The following TXNL4A variants were observed in gnomAD, a reference collection of about 807,000 sequenced individuals.
TXNL4A encodes the protein thioredoxin-like protein 4A.
In TXNL4A, 17 loss-of-function variants were observed where a neutral mutation model predicts 14.6. The ratio of observed to expected loss-of-function variants is 1.16; its 90% CI spans 0.80 to 1.74. TXNL4A has a LOEUF of 1.74. Among genes scored for constraint, TXNL4A ranks in the 40% most tolerant of loss-of-function variants. The pLI is 0.00. For synonymous variants in TXNL4A, 83 were observed against 70.6 expected, an observed-to-expected ratio of 1.18 and a Z score of -0.88; for missense variants, 74 against 195.2, an observed-to-expected ratio of 0.38 and a Z score of 3.70.
At chr18:80,025,167 C>G (rs185101448) in intron 1 of TXNL4A, among the ~76,000 whole-genome samples, 217 of 152,262 alleles carry the variant, frequency 1.4e-3, no homozygotes, top group African/African-American at 5.1e-3. Flanking sequence ...AAATAAGCAA[C>G]CAGAATGGGA....
At chr18:80,003,545 G>C (rs930694128) in intron 1 of TXNL4A, among the ~76,000 whole-genome samples, 5 of 151,938 alleles carry the variant, frequency 3.3e-5, no homozygotes, top group South Asian at 2.1e-4. Context: ...TAATTTTTTT[G>C]TTGTTGTTAA....
chr18:80,033,879 C>T (rs1471538828), exon 1 of TXNL4A: 3 of 150,370 alleles, frequency 2.0e-5, no homozygotes, highest in Non-Finnish European at 4.4e-5. Context: ...CGCTTACACG[C>T]CGCTCGCTTC....
At chr18:80,022,980 T>C in intron 1 of TXNL4A, among the ~76,000 whole-genome samples, 1 of 152,104 alleles carries the variant, frequency 6.6e-6, no homozygotes, top group Non-Finnish European at 1.5e-5. Context: ...CTGGGAGAGA[T>C]TATGTAGTAG....
rs1372527039 is a variant in TXNL4A, at chr18:80,016,795, G to C, written c.-61+17056C>G. On this transcript the variant is annotated intron_variant, in intron 1 of 2. Coordinates refer to the TXNL4A transcript ENST00000585474. ...GTAGTATAGTTTGAAGTCAGGTAGC[G>C]TGATGCCTCCAGCTTTGTTCTTTTG... is the stretch of plus-strand genomic sequence containing the variant. 1.5e-3 allele frequency among the ~76,000 whole-genome samples: 225 copies of C among 149,266 alleles called. 1 individual carries two copies. The highest frequency in any genetic ancestry group is 5.3e-3 in the African/African-American group (218 of 40,952).
chr18:80,022,558 C>T (rs1171421075), intron 1 of TXNL4A, among the ~76,000 whole-genome samples: 1 of 152,132 alleles, frequency 6.6e-6, no homozygotes, highest in East Asian at 1.9e-4. Context: ...AAGGCCACGC[C>T]CTTGTGTAAT....
chr18:79,999,012 C>T (rs3952517), intron 1 of TXNL4A, among the ~76,000 whole-genome samples: 27 of 152,210 alleles, frequency 1.8e-4, no homozygotes, highest in East Asian at 1.7e-3. Flanking sequence ...GGTTTCCTTA[C>T]TAGAGGTAAT....
At chr18:79,975,984 C>T (rs1379635260) in intron 2 of TXNL4A, among the ~76,000 whole-genome samples, 2 of 152,200 alleles carry the variant, frequency 1.3e-5, no homozygotes, top group East Asian at 3.8e-4. Context: ...GTCAGCCACG[C>T]AACCTTTGCT....
chr18:80,027,655 C>T (rs1484057373), intron 1 of TXNL4A, among the ~76,000 whole-genome samples: 1 of 152,198 alleles, frequency 6.6e-6, no homozygotes, highest in Non-Finnish European at 1.5e-5. Flanking sequence ...CAGGGCTCAA[C>T]ACTCATTCAG....
intron 1 of TXNL4A, among the ~76,000 whole-genome samples, chr18:79,985,206 C>T (rs937836550): frequency 1.3e-5 from 2 of 152,106 alleles, no homozygotes; most frequent in African/African-American, 4.8e-5. Context: ...AAAGACAGCT[C>T]GTACATGAAA....
At chr18:79,977,366 C>T (rs1420005271) in intron 2 of TXNL4A, 16 of 531,236 alleles carry the variant, frequency 3.0e-5, no homozygotes, top group Admixed American at 2.3e-4. Flanking sequence ...TAGGTTTCCC[C>T]GCAAAGTTAT....
intron 2 of TXNL4A, chr18:79,976,650 C>A (rs564114276): frequency 2.6e-6 from 1 of 380,598 alleles, no homozygotes; most frequent in African/African-American, 2.1e-5. Flanking sequence ...CTGCTCAATG[C>A]GTGCTAATTT....
rs773425655 is a variant in TXNL4A at position 79,988,529 on chromosome 18, A to G, written c.-137T>C. 1.3e-3 allele frequency: 1,256 copies of G among 941,850 alleles called. 7 individuals are homozygous for G. Among genetic ancestry groups the G allele is most frequent in the South Asian group, 2.1e-3 (52 of 24,684 alleles). The allele number at this position is 941,850 out of a possible 1,614,324, so 58.3% of individuals were successfully genotyped here. A position where few individuals can be genotyped will look rare whatever the true frequency, so the allele number is the denominator to read the frequency against. On this transcript the variant is annotated 5_prime_UTR_variant, in exon 1 of 3. Transcript: ENST00000269601. ...GAAATCCGGTCCCGCCCGCACACGC[A>G]AACTCCGCTGGGACTGCCACCCGGC...
chr18:80,002,981 C>T (rs995411151), intron 1 of TXNL4A, among the ~76,000 whole-genome samples: 2 of 152,196 alleles, frequency 1.3e-5, no homozygotes, highest in East Asian at 1.9e-4. Context: ...CCAGGATGTC[C>T]TCAGGTGAGT....
chr18:80,028,302 C>G (rs12455087), intron 1 of TXNL4A, among the ~76,000 whole-genome samples: 47,063 of 147,952 alleles, frequency 0.32, 8,066 homozygotes, highest in South Asian at 0.48. Context: ...TCCCCCCTTA[C>G]CATTTCTGTG....
chr18:79,984,236 C>T (rs952321291), intron 1 of TXNL4A, among the ~76,000 whole-genome samples: 2 of 152,080 alleles, frequency 1.3e-5, no homozygotes, highest in African/African-American at 4.8e-5. Context: ...TAAGATACAC[C>T]CCTTAATATG....
At chr18:79,981,952 CG>C (rs35383505) in intron 1 of TXNL4A, among the ~76,000 whole-genome samples, 54,662 of 151,998 alleles carry the variant, frequency 0.36, 11,789 homozygotes, top group Non-Finnish European at 0.49. Context: ...TAGATGTCGC[CG>C]ATGTTTTAGG....
chr18:80,033,872 T>C (rs56291056), exon 1 of TXNL4A: 139,593 of 146,304 alleles, frequency 0.95, 66,787 homozygotes, highest in East Asian at 1. Flanking sequence ...TTCACCCCGC[T>C]TACACGCCGC....
chr18:79,999,154 G>T (rs1202619078), intron 1 of TXNL4A, among the ~76,000 whole-genome samples: 1 of 152,182 alleles, frequency 6.6e-6, no homozygotes, highest in African/African-American at 2.4e-5. Context: ...TTTGGGGTTT[G>T]CATGACTTTG....
chr18:80,020,390 G>T (rs1377466169), intron 1 of TXNL4A, among the ~76,000 whole-genome samples: 1 of 152,178 alleles, frequency 6.6e-6, no homozygotes, highest in African/African-American at 2.4e-5. Flanking sequence ...TCCTTTAGAG[G>T]ATAGCAGTGC....
Sources: allele counts gnomAD v4.1 joint callset (sites outside exome capture counted in the v4.1 genomes callset), GRCh38; gene constraint gnomAD v4.1.1; transcripts MANE v1.5; gene names NCBI Gene and HGNC (gene_info 2026-07-23, HGNC 2026-07-21).